RYR2: variants seen among roughly 807,000 people sequenced by gnomAD.
RYR2 encodes the protein ryanodine receptor 2, also known as cardiac muscle ryanodine receptor-calcium release channel.
RYR2 carries 227 observed loss-of-function variants against 601.1 expected under a neutral mutation model. That is an observed-to-expected ratio of 0.38 (90% confidence interval 0.34 to 0.42). The LOEUF is 0.42. Among genes scored for constraint, RYR2 ranks in the 10% least tolerant of loss-of-function variants. RYR2 has a pLI of 1.00. For synonymous variants in RYR2, 2,223 were observed against 2,175.1 expected, an observed-to-expected ratio of 1.02 and a Z score of -0.61; for missense variants, 4,646 against 6,156.5, an observed-to-expected ratio of 0.75 and a Z score of 8.21.
At chr1:237,513,368 C>T (rs2618716) in intron 24 of RYR2, among the ~76,000 whole-genome samples, 1 of 152,060 alleles carries the variant, frequency 6.6e-6, no homozygotes, top group Non-Finnish European at 1.5e-5. Flanking sequence ...GTACAAAACT[C>T]TAGTCCTTTT....
intron 2 of RYR2, among the ~76,000 whole-genome samples, chr1:237,290,483 G>T (rs1692076668): frequency 6.6e-6 from 1 of 152,178 alleles, no homozygotes; most frequent in Non-Finnish European, 1.5e-5. Flanking sequence ...TCATCAAGTT[G>T]TATACTTATA....
At position 237,176,248 on chromosome 1, in the gene RYR2, A is replaced by AAAAT. The variant is rs1553330330; in HGVS notation, c.49-94248_49-94247insAATA. ...CAAGACTCTGTCTCTTAATGAAAAA[A>AAAAT]ATATATATATATATATAAAAAATGA... On this transcript the variant is annotated intron_variant, in intron 1 of 104. Transcript: ENST00000366574. Among the ~76,000 whole-genome samples, 237 of 133,028 alleles carry AAAAT rather than the reference A, an allele frequency of 1.8e-3. 1 individual carries two copies. In the South Asian group the frequency reaches 0.018, roughly 10 times the overall value. 87.3% of individuals were successfully genotyped at this position (133,028 alleles called of 152,430 possible). A position where few individuals can be genotyped will look rare whatever the true frequency, so the allele number is the denominator to read the frequency against.
chr1:237,476,792 C>T (rs1362652431), intron 17 of RYR2, among the ~76,000 whole-genome samples: 1 of 152,100 alleles, frequency 6.6e-6, no homozygotes, highest in Non-Finnish European at 1.5e-5. Context: ...TTAGAAAGAA[C>T]AAGAGCTCAC....
chr1:237,140,226 A>G (rs1440510051), intron 1 of RYR2, among the ~76,000 whole-genome samples: 1 of 152,220 alleles, frequency 6.6e-6, no homozygotes, highest in Non-Finnish European at 1.5e-5. Context: ...ACATTTGAAT[A>G]TCTGTTTATC....
intron 66 of RYR2, among the ~76,000 whole-genome samples, chr1:237,703,677 A>T (rs989132925): frequency 4.0e-5 from 6 of 150,378 alleles, no homozygotes; most frequent in African/African-American, 1.5e-4. Flanking sequence ...TTGAATTTTT[A>T]TATAATCAAA....
chr1:237,827,710 A>G (rs898008340), intron 101 of RYR2, among the ~76,000 whole-genome samples: 14 of 151,354 alleles, frequency 9.2e-5, no homozygotes, highest in African/African-American at 3.2e-4. Context: ...AGGCCGAGGC[A>G]GGCGGATCAC....
At chr1:237,060,598 C>T (rs945410626) in intron 1 of RYR2, among the ~76,000 whole-genome samples, 1 of 152,186 alleles carries the variant, frequency 6.6e-6, no homozygotes, top group Non-Finnish European at 1.5e-5. Flanking sequence ...AAGGTTACTA[C>T]TCTATGGACT....
intron 1 of RYR2, among the ~76,000 whole-genome samples, chr1:237,231,255 C>T (rs2149189098): frequency 6.6e-6 from 1 of 151,954 alleles, no homozygotes; most frequent in Middle Eastern, 3.4e-3. Flanking sequence ...ACTTCCTCAA[C>T]ACATTTAGTT....
intron 12 of RYR2, among the ~76,000 whole-genome samples, chr1:237,424,077 T>C (rs908802075): frequency 2.6e-5 from 4 of 152,036 alleles, no homozygotes; most frequent in Non-Finnish European, 5.9e-5. Flanking sequence ...GGGAACAGCA[T>C]GGGGGAAACT....
intron 80 of RYR2, among the ~76,000 whole-genome samples, chr1:237,752,859 A>G (rs530556830): frequency 6.6e-6 from 1 of 152,356 alleles, no homozygotes; most frequent in East Asian, 1.9e-4. Context: ...TTACTAAATT[A>G]TGGGAAATTT....
chr1:237,299,952 T>G (rs1273170553), intron 2 of RYR2, among the ~76,000 whole-genome samples: 1 of 152,220 alleles, frequency 6.6e-6, no homozygotes, highest in East Asian at 1.9e-4. Context: ...TCATTCTCCT[T>G]TCTCAAGTTG....
intron 38 of RYR2, among the ~76,000 whole-genome samples, chr1:237,620,125 G>T (rs534751775): frequency 3.5e-4 from 54 of 152,208 alleles, no homozygotes; most frequent in African/African-American, 1.3e-3. Context: ...TAAAACTGAT[G>T]TGTTTCTAAA....
chr1:237,094,264 C>A (rs1238667605), intron 1 of RYR2, among the ~76,000 whole-genome samples: 2 of 152,076 alleles, frequency 1.3e-5, no homozygotes, highest in Non-Finnish European at 2.9e-5. Flanking sequence ...TAATTGCCAC[C>A]AATTTATTGG....
intron 97 of RYR2, 130 bp downstream of exon 97, chr1:237,798,300 G>T: frequency 1.3e-6 from 1 of 787,436 alleles, no homozygotes; most frequent in Non-Finnish European, 1.9e-6. Context: ...AAAACAGAAA[G>T]TATATAAAGT....
chr1:237,160,762 TA>T (rs906525043), intron 1 of RYR2, among the ~76,000 whole-genome samples: 35 of 152,028 alleles, frequency 2.3e-4, no homozygotes, highest in African/African-American at 7.5e-4. Flanking sequence ...AGATAGTTTT[TA>T]AAAAAAACCC....
intron 1 of RYR2, among the ~76,000 whole-genome samples, chr1:237,184,673 T>TA (rs1269333907): frequency 1.3e-5 from 2 of 152,206 alleles, no homozygotes; most frequent in African/African-American, 4.8e-5. Flanking sequence ...ATGGTGGACT[T>TA]ATGAACGGTC....
chr1:237,363,226 T>C (rs898904069), intron 4 of RYR2, among the ~76,000 whole-genome samples: 3 of 152,118 alleles, frequency 2.0e-5, no homozygotes, highest in South Asian at 2.1e-4. Context: ...CATTAGTGAG[T>C]CACATGTGAT....
chr1:237,246,361 G>T (rs1686833423), intron 1 of RYR2, among the ~76,000 whole-genome samples: 1 of 152,148 alleles, frequency 6.6e-6, no homozygotes, highest in Admixed American at 6.5e-5. Flanking sequence ...TTCCCAAAGT[G>T]CTGAGATTAC....
At chr1:237,235,044 A>G (rs897440060) in intron 1 of RYR2, among the ~76,000 whole-genome samples, 2 of 152,212 alleles carry the variant, frequency 1.3e-5, no homozygotes, top group African/African-American at 2.4e-5. Context: ...TTGAAGGGTC[A>G]TGATTCAGAA....
Sources: allele counts gnomAD v4.1 joint callset (sites outside exome capture counted in the v4.1 genomes callset), GRCh38; gene constraint gnomAD v4.1.1; transcripts MANE v1.5; gene names NCBI Gene and HGNC (gene_info 2026-07-23, HGNC 2026-07-21).